LRRC2: variants seen among roughly 807,000 people sequenced by gnomAD.
LRRC2 encodes the protein leucine rich repeat containing 2, also known as leucine-rich repeat-containing protein 2.
A neutral mutation model predicts 40.2 loss-of-function variants in LRRC2; 27 were observed. The observed-to-expected ratio is 0.67, with a 90% confidence interval of 0.49 to 0.93. The LOEUF is 0.93. Among genes scored for constraint, LRRC2 ranks in the 40% least tolerant of loss-of-function variants. LRRC2 has a pLI of 0.00. For synonymous variants in LRRC2, 147 were observed against 158.9 expected, an observed-to-expected ratio of 0.92 and a Z score of 0.56; for missense variants, 402 against 439.6, an observed-to-expected ratio of 0.91 and a Z score of 0.76.
intron 2 of LRRC2, among the ~76,000 whole-genome samples, chr3:46,550,529 C>T (rs1198899054): frequency 2.6e-5 from 4 of 151,938 alleles, no homozygotes. Flanking sequence ...GTAGCTGGGA[C>T]TACAGGCGCC....
At chr3:46,558,869 G>T (rs868333846) in intron 1 of LRRC2, 52 of 152,312 alleles carry the variant, frequency 3.4e-4, no homozygotes, top group African/African-American at 1.1e-3. Flanking sequence ...CACTTTATGT[G>T]AAATCTAACA....
At chr3:46,519,994 A>C (rs1703937102) in intron 8 of LRRC2, among the ~76,000 whole-genome samples, 1 of 152,082 alleles carries the variant, frequency 6.6e-6, no homozygotes, top group African/African-American at 2.4e-5. Flanking sequence ...TCAATCTAAT[A>C]CATATGAATA....
At position 46,527,545 on chromosome 3, in the gene LRRC2, G is replaced by C; in HGVS notation, c.810C>G (p.Asn270Lys). ...EELQSFLLYK[N>K]KLTYLPYSML... ...TGGAATAGGGAAGGTAGGTCAACTT[G>C]TTTTTATACAAGAGAAAGCTCTGCA... The change falls in exon 7 of 9, where the codon AAC becomes AAG. Residue 270 changes from asparagine to lysine, a missense_variant. Physicochemically the swap from Asn to Lys is moderately conservative, Grantham distance 94 (BLOSUM62 0). Transcript: ENST00000395905. The C allele has an allele frequency of 6.2e-7, 1 of 1,613,976 alleles. No individual in the cohort carries two copies. Among genetic ancestry groups the C allele is most frequent in the Non-Finnish European group, 8.5e-7 (1 of 1,179,884 alleles).
intron 1 of LRRC2, among the ~76,000 whole-genome samples, chr3:46,556,906 G>A (rs1197020773): frequency 6.6e-6 from 1 of 151,998 alleles, no homozygotes; most frequent in Non-Finnish European, 1.5e-5. Flanking sequence ...CATTTTTTCT[G>A]CATTACACTC....
chr3:46,554,580 T>C (rs1281082029), intron 1 of LRRC2, among the ~76,000 whole-genome samples: 1 of 150,498 alleles, frequency 6.6e-6, no homozygotes, highest in Non-Finnish European at 1.5e-5. Context: ...AGGCGGAGGT[T>C]GCAGTGAGCC....
intron 8 of LRRC2, 77 bp from the exon 9 acceptor site, chr3:46,519,140 T>A (rs1703920796): frequency 2.1e-6 from 2 of 964,108 alleles, no homozygotes; most frequent in Non-Finnish European, 3.4e-6. Flanking sequence ...ATGACATACA[T>A]AATGAATGTA....
At chr3:46,549,853 C>A (rs1012571181) in intron 2 of LRRC2, among the ~76,000 whole-genome samples, 3 of 152,202 alleles carry the variant, frequency 2.0e-5, no homozygotes, top group African/African-American at 7.2e-5. Context: ...TGTAGAGTAA[C>A]CCCAGATGCT....
At position 46,518,855 on chromosome 3, in the gene LRRC2, A is replaced by G. The variant is rs531263488; in HGVS notation, c.*159T>C. ...CTCCAGTCCATGGAGGGAGATACTC[A>G]TGTATTTGACATTTGAAAACCATTT... On this transcript the variant is annotated 3_prime_UTR_variant, in exon 9 of 9. Coordinates refer to ENST00000395905, the MANE Select transcript of LRRC2 (RefSeq NM_024512.5). The G allele has an allele frequency of 2.9e-4, 175 of 606,710 alleles. 2 individuals carry two copies. In the Middle Eastern group the frequency reaches 4.0e-3, roughly 14 times the overall value. The allele number at this position is 606,710 out of a possible 1,614,324, so 37.6% of individuals were successfully genotyped here.
chr3:46,526,356 G>A (rs528429740), intron 7 of LRRC2, among the ~76,000 whole-genome samples: 1 of 152,198 alleles, frequency 6.6e-6, no homozygotes, highest in Non-Finnish European at 1.5e-5. Flanking sequence ...TACCCTGACT[G>A]CTATGAGACA....
intron 2 of LRRC2, chr3:46,551,056 A>G (rs1704635135): frequency 6.5e-6 from 1 of 154,954 alleles, no homozygotes; most frequent in Non-Finnish European, 1.4e-5. Flanking sequence ...CTTACCTAGA[A>G]TTCAGCTCAA....
chr3:46,539,147 T>C lies in LRRC2; in HGVS notation c.388A>G (p.Asn130Asp), dbSNP rs372039183. The C allele has an allele frequency of 1.2e-6, 2 of 1,613,944 alleles. No homozygotes were observed. The highest frequency in any genetic ancestry group is 1.7e-6 in the Non-Finnish European group (2 of 1,179,940). The change falls in exon 4 of 9, where the codon AAT becomes GAT. Residue 130 changes from asparagine (N) to aspartate (D), a missense_variant. Transcript: ENST00000395905. The stretch of plus-strand genomic sequence containing the variant: ...GTAGGAATGATTTGAATCAAGGTAT[T>C]GCTTATGTACCATTCTCTCAGGTGT... ...QTHLREWYIS[N>D]TLIQIIPTYI...
intron 4 of LRRC2, among the ~76,000 whole-genome samples, chr3:46,538,748 A>G (rs1704319075): frequency 6.6e-6 from 1 of 152,270 alleles, no homozygotes; most frequent in Admixed American, 6.5e-5. Context: ...TAGGTTTAAA[A>G]CAAAAAGAAA....
intron 7 of LRRC2, 62 bp from the exon 8 acceptor site, chr3:46,521,720 C>T: frequency 6.6e-7 from 1 of 1,518,300 alleles, no homozygotes; most frequent in Admixed American, 2.0e-5. Flanking sequence ...TGCAAAATTC[C>T]TCACATAAAA....
At chr3:46,543,663 C>A (rs6801759) in intron 3 of LRRC2, among the ~76,000 whole-genome samples, 1 of 149,504 alleles carries the variant, frequency 6.7e-6, no homozygotes. Flanking sequence ...TAATAAATAC[C>A]CTTTACAATG....
At chr3:46,554,370 G>A (rs113268530) in intron 1 of LRRC2, among the ~76,000 whole-genome samples, 7,353 of 152,160 alleles carry the variant, frequency 0.048, 270 homozygotes, top group South Asian at 0.15. Flanking sequence ...AGGAGGCCAG[G>A]TGCAGTGGCT....
chr3:46,546,813 C>T (rs762859687), intron 2 of LRRC2, among the ~76,000 whole-genome samples: 5 of 150,680 alleles, frequency 3.3e-5, no homozygotes, highest in African/African-American at 1.2e-4. Context: ...CCACCTCCCA[C>T]GTTCAAGCGA....
chr3:46,523,113 G>A (rs1703995736), intron 7 of LRRC2, among the ~76,000 whole-genome samples: 2 of 152,036 alleles, frequency 1.3e-5, no homozygotes, highest in South Asian at 4.1e-4. Flanking sequence ...TTTAAAAGTT[G>A]TAATGTTTAA....
At position 46,551,451 on chromosome 3, in the gene LRRC2, T is replaced by G; in HGVS notation, c.125+16A>C. The G allele has an allele frequency of 6.2e-7, 1 of 1,611,846 alleles. No individual in the cohort carries two copies. The highest frequency in any genetic ancestry group is 8.5e-7 in the Non-Finnish European group (1 of 1,179,298). ...TCACCAAACAAGCTACAAGACTAGG[T>G]TGAGAAAACACGTACTTCTCCAAGG... On this transcript the variant is annotated intron_variant, in intron 2 of 8. Transcript: ENST00000395905.
At chr3:46,538,849 C>T (rs1308917126) in intron 4 of LRRC2, among the ~76,000 whole-genome samples, 196 bp downstream of exon 4, 1 of 152,186 alleles carries the variant, frequency 6.6e-6, no homozygotes, top group Non-Finnish European at 1.5e-5. Context: ...CTGAGTTATA[C>T]AGGCGAGACG....
Sources: gnomAD v4.1 joint callset for allele counts (sites outside exome capture counted in the v4.1 genomes callset) on GRCh38, gnomAD v4.1.1 for gene constraint, MANE v1.5 for transcripts, NCBI Gene and HGNC (gene_info 2026-07-23, HGNC 2026-07-21) for gene names.